FAH: variants seen among roughly 807,000 people sequenced by gnomAD.
FAH encodes fumarylacetoacetase.
FAH carries 47 observed loss-of-function variants against 55.8 expected under a neutral mutation model. That is an observed-to-expected ratio of 0.84 (90% CI 0.67 to 1.07). The LOEUF (loss-of-function observed/expected upper bound fraction) is 1.07. Among genes scored for constraint, FAH ranks in the 50% least tolerant of loss-of-function variants. The pLI, the probability that FAH is intolerant of heterozygous loss-of-function variation, is 0.00. For missense variants in FAH, 495 were observed against 545.9 expected, an observed-to-expected ratio of 0.91 and a Z score of 0.93; for synonymous variants, 199 against 207.7, an observed-to-expected ratio of 0.96 and a Z score of 0.36.
At position 80,173,242 on chromosome 15, in the gene FAH, G is replaced by A. The variant is rs1162592562; in HGVS notation, c.837+98G>A. The A allele has an allele frequency of 2.6e-6, 4 of 1,533,914 alleles. No individual in the cohort carries two copies. In the East Asian group the frequency reaches 6.7e-5, roughly 26 times the overall value. Reference sequence around the variant, plus strand: ...ACATGCCAGGCATGCAGACCATCAGGAGGGAAGCTCTGTGCCCACGGCATG... The same window carrying A: ...ACATGCCAGGCATGCAGACCATCAGAAGGGAAGCTCTGTGCCCACGGCATG... On this transcript the variant is annotated intron_variant, in intron 9 of 13. Transcript: ENST00000561421.
intron 12 of FAH, among the ~76,000 whole-genome samples, chr15:80,180,708 G>A (rs879356068): frequency 1.3e-5 from 2 of 152,188 alleles, no homozygotes; most frequent in Admixed American, 6.5e-5. Context: ...GTCGACAGGA[G>A]GGTGTTAAGC....
At chr15:80,181,341 T>G (rs1191476422) in intron 13 of FAH, among the ~76,000 whole-genome samples, 182 bp downstream of exon 13, 1 of 152,182 alleles carries the variant, frequency 6.6e-6, no homozygotes, top group Non-Finnish European at 1.5e-5. Flanking sequence ...GGACTTCAAG[T>G]GTGAGTCTCC....
At position 80,172,141 on chromosome 15, in the gene FAH, C is replaced by A; in HGVS notation, c.607-8C>A. The A allele has an allele frequency of 1.2e-6, 2 of 1,606,170 alleles. No individual in the cohort carries two copies. The highest frequency in any genetic ancestry group is 1.7e-6 in the Non-Finnish European group (2 of 1,172,812). On this transcript the variant is annotated splice_region_variant and splice_polypyrimidine_tract_variant and intron_variant, in intron 7 of 13. Transcript: ENST00000561421. ...CTCCAGATTCTAATGAACTCTCCCC[C>A]ATGTAAGGCTTTTTTTGTAGGCCCT...
upstream of FAH, chr15:80,152,954 G>T (rs2041063251): frequency 9.8e-7 from 1 of 1,024,264 alleles, no homozygotes; most frequent in African/African-American, 1.6e-5. Flanking sequence ...GGCCGTGGGG[G>T]CGGGCAGGGG....
intron 1 of FAH, among the ~76,000 whole-genome samples, chr15:80,155,168 C>T (rs571520140): frequency 2.4e-4 from 37 of 152,274 alleles, no homozygotes; most frequent in Middle Eastern, 3.4e-3. Context: ...ATGAGCTCCC[C>T]GCTGCGGCCC....
At chr15:80,175,122 A>T in intron 10 of FAH, 31 bp downstream of exon 10, 1 of 1,592,884 alleles carries the variant, frequency 6.3e-7, no homozygotes, top group Non-Finnish European at 8.6e-7. Flanking sequence ...CATGGCCAGG[A>T]GCTCTGAGGC....
chr15:80,175,764 G>A (rs993084435), intron 10 of FAH, among the ~76,000 whole-genome samples: 4 of 152,260 alleles, frequency 2.6e-5, no homozygotes, highest in African/African-American at 9.6e-5. Flanking sequence ...ACCTGGCCAT[G>A]TCCTCATTTG....
At chr15:80,159,648 G>A (rs1237756230) in intron 2 of FAH, 108 bp from the exon 3 acceptor site, 16 of 1,276,892 alleles carry the variant, frequency 1.3e-5, no homozygotes, top group East Asian at 6.9e-5. Context: ...TTGAGTTAGC[G>A]GGAGAGAAGT....
At chr15:80,176,077 G>A (rs994755275) in intron 10 of FAH, among the ~76,000 whole-genome samples, 4 of 151,790 alleles carry the variant, frequency 2.6e-5, no homozygotes, top group African/African-American at 9.7e-5. Flanking sequence ...GAGTGCAATG[G>A]TGCGATCTTG....
intron 9 of FAH, chr15:80,173,463 A>G: frequency 2.2e-6 from 1 of 457,788 alleles, no homozygotes; most frequent in South Asian, 2.0e-5. Flanking sequence ...AACATTGCAC[A>G]ACCTCCCAGG....
intron 3 of FAH, 43 bp downstream of exon 3, chr15:80,159,920 G>A (rs1305017122): frequency 1.9e-6 from 3 of 1,606,184 alleles, no homozygotes; most frequent in African/African-American, 1.3e-5. Context: ...GGATGCAGCA[G>A]GGGAGGTGAA....
In FAH at chr15:80,172,256, C is replaced by G. The variant is rs1303736552; in HGVS notation, c.706+8C>G. ...TTATGAACGACTGGAGTGGTAATTA[C>G]TGGAGCTCTGCTCCTGTAGAGATGA... On this transcript the variant is annotated splice_region_variant and intron_variant, in intron 8 of 13. Coordinates refer to ENST00000561421, the MANE Select transcript of FAH (RefSeq NM_000137.4). 1 of 1,590,216 alleles carries G rather than the reference C, an allele frequency of 6.3e-7. No homozygotes were observed. Among genetic ancestry groups the G allele is most frequent in the Non-Finnish European group, 8.6e-7 (1 of 1,158,256 alleles).
At chr15:80,164,529 A>AACAC (rs10653816) in intron 5 of FAH, among the ~76,000 whole-genome samples, 7,666 of 150,714 alleles carry the variant, frequency 0.051, 606 homozygotes, top group African/African-American at 0.18. Flanking sequence ...TTTTCAGCTT[A>AACAC]ACACACACAC....
intron 1 of FAH, among the ~76,000 whole-genome samples, chr15:80,154,385 C>T (rs1007324510): frequency 6.6e-6 from 1 of 152,212 alleles, no homozygotes. Flanking sequence ...AATTAATATC[C>T]GTTAGAGTGT....
chr15:80,185,417 C>CTCAGGCAAATGCTG (rs2041362289), intron 13 of FAH, among the ~76,000 whole-genome samples: 1 of 152,204 alleles, frequency 6.6e-6, no homozygotes, highest in South Asian at 2.1e-4. Flanking sequence ...GTAGAGGAGC[C>CTCAGGCAAATGCTG]AGGCTTTGAC....
At chr15:80,176,544 C>G (rs1025345838) in intron 10 of FAH, among the ~76,000 whole-genome samples, 2 of 152,200 alleles carry the variant, frequency 1.3e-5, no homozygotes, top group Non-Finnish European at 2.9e-5. Flanking sequence ...TGGGCCCGCT[C>G]TTTCAGGTTC....
At chr15:80,171,886 CA>C (rs1567118577) in intron 7 of FAH, among the ~76,000 whole-genome samples, 1 of 152,144 alleles carries the variant, frequency 6.6e-6, no homozygotes, top group African/African-American at 2.4e-5. Flanking sequence ...GCCTGGGATG[CA>C]CTGAAGGGAG....
At chr15:80,177,649 A>C in intron 11 of FAH, 66 bp downstream of exon 11, 1 of 1,397,320 alleles carries the variant, frequency 7.2e-7, no homozygotes, top group East Asian at 2.3e-5. Flanking sequence ...TCTTCCTGGC[A>C]GGAACAGGAG....
chr15:80,164,942 G>A (rs1425843028), intron 5 of FAH, among the ~76,000 whole-genome samples: 3 of 152,102 alleles, frequency 2.0e-5, no homozygotes, highest in African/African-American at 7.2e-5. Context: ...ACAAAACGAG[G>A]GCATGCTGAA....
Sources: gnomAD v4.1 joint callset for allele counts (sites outside exome capture counted in the v4.1 genomes callset) on GRCh38, gnomAD v4.1.1 for gene constraint, MANE v1.5 for transcripts, NCBI Gene and HGNC (gene_info 2026-07-23, HGNC 2026-07-21) for gene names.